Variants in DNAH2 observed in about 807,000 individuals in gnomAD.
The protein encoded by DNAH2 is dynein axonemal heavy chain 2.
DNAH2 carries 323 observed loss-of-function variants against 523.5 expected under a neutral mutation model. The ratio of observed to expected loss-of-function variants is 0.62; its 90% confidence interval spans 0.56 to 0.68. DNAH2 has a LOEUF of 0.68. Among genes scored for constraint, DNAH2 ranks in the 30% least tolerant of loss-of-function variants. The pLI, the probability that DNAH2 is intolerant of heterozygous loss-of-function variation, is 0.00. For missense variants in DNAH2, 4,907 were observed against 5,701.5 expected (o/e 0.86, Z 4.49); for synonymous variants, 2,093 against 2,177.4 (o/e 0.96, Z 1.08).
chr17:7,725,440 A>ATATATATATATATATATATATATATT (rs958458949), intron 3 of DNAH2, among the ~76,000 whole-genome samples: 70 of 130,594 alleles, frequency 5.4e-4, no homozygotes, highest in African/African-American at 1.8e-3. Context: ...ATATATATAT[A>ATATATATATATATATATATATATATT]TTTTCTTTTT....
intron 12 of DNAH2, among the ~76,000 whole-genome samples, chr17:7,753,462 C>T (rs767668897): frequency 3.3e-5 from 5 of 152,048 alleles, no homozygotes; most frequent in Non-Finnish European, 7.4e-5. Flanking sequence ...TCGGGGAGTC[C>T]GCATTGAAGG....
chr17:7,821,459 A>T lies in DNAH2; in HGVS notation c.11142+90A>T. 1.4e-6 allele frequency: 2 copies of T among 1,457,786 alleles called. No homozygotes were observed. Among genetic ancestry groups the T allele is most frequent in the Non-Finnish European group, 1.8e-6 (2 of 1,086,494 alleles). The allele number at this position is 1,457,786 out of a possible 1,614,324, so 90.3% of individuals were successfully genotyped here. ...ACAAGGACTCCAGACCCAGAGGGTC[A>T]GGCCCACAGCATCAGTGAGTGAGCT... On this transcript the variant is annotated intron_variant, in intron 73 of 85. Coordinates refer to ENST00000572933, the MANE Select transcript of DNAH2 (RefSeq NM_020877.5). The surrounding 1 kb of genome is among the most constrained non-coding windows in gnomAD (Gnocchi z 5.0).
intron 5 of DNAH2, among the ~76,000 whole-genome samples, chr17:7,733,586 T>C (rs2075055825): frequency 6.6e-6 from 1 of 150,738 alleles, no homozygotes; most frequent in African/African-American, 2.4e-5. Context: ...CAAGCAATTC[T>C]CCTGCCTCAG....
intron 33 of DNAH2, 90 bp downstream of exon 33, chr17:7,777,724 C>T: frequency 6.7e-7 from 1 of 1,500,102 alleles, no homozygotes; most frequent in South Asian, 1.2e-5. Flanking sequence ...CAAGGATATC[C>T]TAAGCCAACC....
At chr17:7,774,345 G>T (rs960209741) in intron 28 of DNAH2, among the ~76,000 whole-genome samples, 1 of 152,134 alleles carries the variant, frequency 6.6e-6, no homozygotes. Flanking sequence ...GACAGAGCAG[G>T]ATGGTGAGAG....
intron 51 of DNAH2, 60 bp downstream of exon 51, chr17:7,797,321 T>G: frequency 6.2e-7 from 1 of 1,613,528 alleles, no homozygotes; most frequent in South Asian, 1.1e-5. Flanking sequence ...CACCCCTACT[T>G]TGTTCCCAGC....
intron 85 of DNAH2, 35 bp from the exon 86 acceptor site, chr17:7,833,344 T>G: frequency 6.2e-7 from 1 of 1,611,622 alleles, no homozygotes; most frequent in East Asian, 2.2e-5. Flanking sequence ...TCCCGGAGGC[T>G]CCAGGGGTCT....
In DNAH2 at chr17:7,767,937, G is replaced by A. The variant is rs193265262; in HGVS notation, c.3713G>A (p.Arg1238Gln). ...DALQQIWEIARDWEENWNEWK... is the reference protein window; with the variant it reads ...DALQQIWEIAQDWEENWNEWK... ...CTCCAGCAAATCTGGGAGATCGCACGAGACTGGGAGGAGAACTGGAATGAG... is the reference window on the plus strand; with the variant it reads ...CTCCAGCAAATCTGGGAGATCGCACAAGACTGGGAGGAGAACTGGAATGAG... Residue 1238 changes from arginine (R) to glutamine (Q), a missense_variant, in exon 23 of 86, where the codon CGA becomes CAA. By Grantham distance (43) the Arg-to-Gln change is conservative. Coordinates refer to ENST00000572933, the MANE Select transcript of DNAH2 (RefSeq NM_020877.5). The A allele has an allele frequency of 8.1e-6, 13 of 1,614,060 alleles. No individual in the cohort carries two copies. In the Admixed American group the frequency reaches 1.3e-4, roughly 17 times the overall value.
In DNAH2 at chr17:7,833,096, A is replaced by T. The variant is rs2078234594; in HGVS notation, c.13004A>T (p.Tyr4335Phe). Reference sequence around the variant, plus strand: ...GATGGTGTCTGGGTCCGGGGCCTGTACCTGGAAGGTGCTGGCTGGGACCGG... The same window carrying T: ...GATGGTGTCTGGGTCCGGGGCCTGTTCCTGGAAGGTGCTGGCTGGGACCGG... Reference protein sequence around the residue: ...PKDGVWVRGLYLEGAGWDRKN... With the variant: ...PKDGVWVRGLFLEGAGWDRKN... The change falls in exon 85 of 86, where the codon TAC (tyrosine) becomes TTC (phenylalanine). Residue 4335 changes from tyrosine to phenylalanine, a missense_variant. Physicochemically the swap from Tyr to Phe is conservative, Grantham distance 22. Transcript: ENST00000572933. 1.2e-6 allele frequency: 2 copies of T among 1,613,254 alleles called. No homozygotes were observed. Among genetic ancestry groups the T allele is most frequent in the African/African-American group, 2.7e-5 (2 of 75,010 alleles).
At chr17:7,770,100 C>T in intron 24 of DNAH2, 152 bp from the exon 25 acceptor site, 1 of 1,035,604 alleles carries the variant, frequency 9.7e-7, no homozygotes, top group Non-Finnish European at 1.4e-6. Context: ...TTCGTATTCC[C>T]CTGGTGCCTA....
intron 12 of DNAH2, among the ~76,000 whole-genome samples, chr17:7,747,029 A>G (rs2075537737): frequency 6.6e-6 from 1 of 152,084 alleles, no homozygotes; most frequent in Admixed American, 6.6e-5. Flanking sequence ...TAAGGGAAAA[A>G]GTGAAAATTC....
chr17:7,733,193 C>T lies in DNAH2; in HGVS notation c.506C>T (p.Pro169Leu), dbSNP rs200709517. 88 of 1,614,216 alleles carry T rather than the reference C, an allele frequency of 5.5e-5. 1 individual carries two copies. The highest frequency in any genetic ancestry group is 6.6e-5 in the Non-Finnish European group (78 of 1,180,050). The change falls in exon 5 of 86, where the codon CCG (proline) becomes CTG (leucine). Residue 169 changes from proline (P) to leucine (L), a missense_variant. Pro to Leu is a moderately conservative substitution (Grantham distance 98, BLOSUM62 -3). Coordinates refer to ENST00000572933, the MANE Select transcript of DNAH2 (RefSeq NM_020877.5). ...QFGTVRGPYI[P>L]ALLRLLGGVF... Reference sequence around the variant, plus strand: ...GGGACGGTGCGGGGCCCCTATATCCCGGCCCTGCTTCGGCTGCTCGGTGGA... The same window carrying T: ...GGGACGGTGCGGGGCCCCTATATCCTGGCCCTGCTTCGGCTGCTCGGTGGA...
chr17:7,806,329 G>A (rs186977460), intron 61 of DNAH2, among the ~76,000 whole-genome samples: 115 of 152,170 alleles, frequency 7.6e-4, no homozygotes, highest in Non-Finnish European at 1.3e-3. Context: ...TGGGCTTATC[G>A]GGAGCATCTG....
Position 7,821,841 on chromosome 17 carries a change from G to A in DNAH2, c.11142+472G>A, listed in dbSNP as rs1001272975. Among the ~76,000 whole-genome samples the A allele has an allele frequency of 1.3e-5, 2 of 152,092 alleles. No individual in the cohort carries two copies. Among genetic ancestry groups the A allele is most frequent in the African/African-American group, 4.8e-5 (2 of 41,392 alleles). On this transcript the variant is annotated intron_variant, in intron 73 of 85. Transcript: ENST00000572933. This position sits in a 1 kb window ranked among gnomAD's most constrained non-coding sequence, Gnocchi z 5.0. ...GAACACATCCACACCGACTGGACGC[G>A]CTTTAAGTCCATGATCGTGAACCTC...
chr17:7,738,243 G>C, intron 8 of DNAH2: 1 of 617,240 alleles, frequency 1.6e-6, no homozygotes, highest in Non-Finnish European at 2.9e-6. Context: ...CCGAGACCCA[G>C]GAGTTTCTAC....
At chr17:7,766,741 G>A (rs986048010) in intron 22 of DNAH2, among the ~76,000 whole-genome samples, 6 of 140,090 alleles carry the variant, frequency 4.3e-5, no homozygotes, top group Non-Finnish European at 1.5e-5. Context: ...TCTGCCTCCC[G>A]GGTTCAAGCG....
rs749778827 is a variant in DNAH2 at position 7,742,977 on chromosome 17, G to A, written c.1739G>A (p.Ser580Asn). 30 of 1,493,820 alleles carry A rather than the reference G, an allele frequency of 2.0e-5. No individual in the cohort carries two copies. The highest frequency in any genetic ancestry group is 2.6e-5 in the Non-Finnish European group (29 of 1,124,474). The allele number at this position is 1,493,820 out of a possible 1,614,324, so 92.5% of individuals were successfully genotyped here. Residue 580 changes from serine to asparagine, a missense_variant, in exon 12 of 86, where the codon AGT (serine) becomes AAT (asparagine). Physicochemically the swap from Ser to Asn is conservative, Grantham distance 46. Transcript: ENST00000572933. ...FLPRIGTGKESVHTYQQMVQA... is the reference protein window; with the variant it reads ...FLPRIGTGKENVHTYQQMVQA... ...CCCCGTATTGGGACTGGAAAGGAGA[G>A]TGTGCACACCTATCAGCAGATGGTC...
At position 7,831,861 on chromosome 17, in the gene DNAH2, C is replaced by G. The variant is rs2078185800; in HGVS notation, c.12726+86C>G. On this transcript the variant is annotated intron_variant, in intron 82 of 85. Coordinates refer to ENST00000572933, the MANE Select transcript of DNAH2 (RefSeq NM_020877.5). The surrounding 1 kb of genome is among the most constrained non-coding windows in gnomAD (Gnocchi z 4.2). ...CCCCAATCTCCTGGTTCTAGGTGGG[C>G]ATAAAGCAAACTGCAGAGAGCCGAA... 7.8e-7 allele frequency: 1 copy of G among 1,276,980 alleles called. No individual in the cohort carries two copies. The allele number at this position is 1,276,980 out of a possible 1,614,324, so 79.1% of individuals were successfully genotyped here.
At position 7,833,599 on chromosome 17, in the gene DNAH2, A is replaced by G; in HGVS notation, c.*66A>G. 2 of 1,600,028 alleles carry G rather than the reference A, an allele frequency of 1.2e-6. No individual in the cohort carries two copies. Among genetic ancestry groups the G allele is most frequent in the Non-Finnish European group, 1.7e-6 (2 of 1,177,268 alleles). On this transcript the variant is annotated 3_prime_UTR_variant, in exon 86 of 86. Transcript: ENST00000572933. ...CTCCAGGAGCTAAGACAGATGTTGC[A>G]CCTAGGACTGAGGCCGGACCTCACT...
Sources: gnomAD v4.1 joint callset for allele counts (sites outside exome capture counted in the v4.1 genomes callset) on GRCh38, gnomAD v4.1.1 for gene constraint, Gnocchi (gnomAD v3.1) non-coding constraint, MANE v1.5 for transcripts, NCBI Gene and HGNC (gene_info 2026-07-23, HGNC 2026-07-21) for gene names.